The following BAZ1A variants were observed in gnomAD, a reference collection of about 807,000 sequenced individuals.
The protein encoded by BAZ1A is bromodomain adjacent to zinc finger domain protein 1A.
A neutral mutation model predicts 185.2 loss-of-function variants in BAZ1A; 50 were observed. The ratio of observed to expected loss-of-function variants is 0.27; its 90% confidence interval spans 0.22 to 0.34. The LOEUF (loss-of-function observed/expected upper bound fraction) is 0.34, where lower values mean the gene tolerates loss of function less well. Ranked by LOEUF, BAZ1A falls within the 10% of genes least tolerant of loss-of-function variation. The pLI is 1.00. For missense variants in BAZ1A, 1,356 were observed against 1,839.9 expected (o/e 0.74, Z 4.81); for synonymous variants, 571 against 615.6 (o/e 0.93, Z 1.07).
chr14:34,863,162 T>A (rs1452713519), intron 2 of BAZ1A, among the ~76,000 whole-genome samples: 14 of 125,366 alleles, frequency 1.1e-4, no homozygotes, highest in African/African-American at 3.5e-4. Context: ...CTTTTTTTTT[T>A]TTTTTTTTTT....
At chr14:34,776,539 A>G (rs1254839987) in intron 17 of BAZ1A, 24 bp from the exon 18 acceptor site, 1 of 1,527,598 alleles carries the variant, frequency 6.5e-7, no homozygotes, top group East Asian at 2.3e-5. Flanking sequence ...AAAATGTTTC[A>G]TCATCATCAT....
intron 8 of BAZ1A, among the ~76,000 whole-genome samples, chr14:34,800,854 A>G (rs1881491632): frequency 6.6e-6 from 1 of 152,214 alleles, no homozygotes; most frequent in African/African-American, 2.4e-5. Context: ...CTTCTGCTTA[A>G]TCTAGCACTA....
rs1233595224 is a variant in BAZ1A at position 34,780,272 on chromosome 14, C to T, written c.2150G>A (p.Ser717Asn). 4 of 1,613,182 alleles carry T rather than the reference C, an allele frequency of 2.5e-6. No homozygotes were observed. The highest frequency in any genetic ancestry group is 3.4e-6 in the Non-Finnish European group (4 of 1,179,640). ...EREDFDTSIE[S>N]KDTEQKELDQ... ...TAATTCCTTTTGCTCTGTGTCTTTG[C>T]TCTCAATGCTAGTATCAAAATCTTC... Residue 717 changes from serine (S) to asparagine (N), a missense_variant, in exon 17 of 27, where the codon AGC (serine) becomes AAC (asparagine). Around this residue, in one of 7 missense-constraint regions of BAZ1A, gnomAD observed 434 missense variants for 561.7 expected, o/e 0.77. Coordinates refer to ENST00000360310, the MANE Select transcript of BAZ1A (RefSeq NM_013448.3).
chr14:34,793,233 C>A, intron 11 of BAZ1A, among the ~76,000 whole-genome samples: 1 of 152,132 alleles, frequency 6.6e-6, no homozygotes. Flanking sequence ...CAATTTTATT[C>A]TAATCTGAAC....
At chr14:34,793,084 TATA>T (rs1195220867) in intron 11 of BAZ1A, among the ~76,000 whole-genome samples, 163 bp from the exon 12 acceptor site, 5 of 152,200 alleles carry the variant, frequency 3.3e-5, no homozygotes, top group Non-Finnish European at 1.5e-5. Flanking sequence ...AATAAGAATT[TATA>T]ATGATTACAA....
At chr14:34,838,983 C>A (rs1271841663) in intron 3 of BAZ1A, among the ~76,000 whole-genome samples, 1 of 152,118 alleles carries the variant, frequency 6.6e-6, no homozygotes, top group Non-Finnish European at 1.5e-5. Context: ...ATAAATACTA[C>A]ACAAAGCTAC....
intron 12 of BAZ1A, among the ~76,000 whole-genome samples, chr14:34,790,104 T>G (rs910362412): frequency 5.3e-5 from 8 of 152,098 alleles, no homozygotes; most frequent in Admixed American, 4.6e-4. Context: ...AACAGGAAAG[T>G]GAGAAAAGAG....
intron 3 of BAZ1A, among the ~76,000 whole-genome samples, chr14:34,835,498 T>C (rs2042313918): frequency 6.6e-6 from 1 of 151,930 alleles, no homozygotes; most frequent in South Asian, 2.1e-4. Context: ...AAACATTATG[T>C]TGACCCAAGG....
intron 2 of BAZ1A, among the ~76,000 whole-genome samples, chr14:34,871,437 C>T (rs1184025462): frequency 4.6e-5 from 7 of 152,252 alleles, no homozygotes; most frequent in African/African-American, 1.7e-4. Flanking sequence ...ATTGAGTCTT[C>T]TTTACCTATG....
rs975434059 is a variant in BAZ1A, at chr14:34,855,130, G to T, written c.392+6914C>A. 2.0e-5 allele frequency among the ~76,000 whole-genome samples: 3 copies of T among 152,208 alleles called. No homozygotes were observed. In the South Asian group the frequency reaches 6.2e-4, roughly 32 times the overall value. On this transcript the variant is annotated intron_variant, in intron 3 of 26. Transcript: ENST00000360310. ...TACCAAGTGTTAAGTTTAGCCTAAT[G>T]CTGCTTCCTTATATATTTTAAGTTC...
intron 12 of BAZ1A, among the ~76,000 whole-genome samples, chr14:34,791,507 G>A (rs1224092362): frequency 6.6e-6 from 1 of 152,148 alleles, no homozygotes; most frequent in Non-Finnish European, 1.5e-5. Flanking sequence ...ATATATTTTT[G>A]CTTGAACTCA....
intron 23 of BAZ1A, among the ~76,000 whole-genome samples, 176 bp downstream of exon 23, chr14:34,764,531 A>T (rs988720259): frequency 1.3e-5 from 2 of 151,996 alleles, no homozygotes; most frequent in African/African-American, 2.4e-5. Context: ...ACCTCAGGTG[A>T]TCTGCCTGCC....
rs556649082 is a variant in BAZ1A at position 34,863,458 on chromosome 14, C to T, written c.114-1136G>A. On this transcript the variant is annotated intron_variant, in intron 2 of 26. Transcript: ENST00000360310. ...GATTACAGGTGTGAGCCACCGCGCC[C>T]GGCCATGCTCATCTAATTTTTATAT... 2.6e-5 allele frequency among the ~76,000 whole-genome samples: 4 copies of T among 152,078 alleles called. No homozygotes were observed. The South Asian group carries it at 8.3e-4, about 32-fold the overall frequency.
intron 17 of BAZ1A, among the ~76,000 whole-genome samples, chr14:34,778,677 A>G (rs1879827787): frequency 6.6e-6 from 1 of 152,162 alleles, no homozygotes; most frequent in South Asian, 2.1e-4. Context: ...CAAATTCATC[A>G]AAAATTGTGT....
At chr14:34,797,235 G>A (rs1881244867) in intron 9 of BAZ1A, among the ~76,000 whole-genome samples, 1 of 152,082 alleles carries the variant, frequency 6.6e-6, no homozygotes, top group Non-Finnish European at 1.5e-5. Context: ...TAAGGCAGAG[G>A]ATAAAGACTA....
chr14:34,792,878 T>G lies in BAZ1A; in HGVS notation c.1407A>C (p.Pro469=), dbSNP rs779933592. The G allele has an allele frequency of 2.5e-6, 4 of 1,613,814 alleles. No individual in the cohort carries two copies. In the Admixed American group the frequency reaches 6.7e-5, roughly 27 times the overall value. ...GGAAGAAAAAAAGCAATTCACACAG[T>G]GGGCCTTCACTGTCATTTCCTACAA... ...EALVGNDSEG[P]LCELLFFFLT... is the part of the protein sequence containing the mutation. Residue 469 remains proline, a synonymous_variant, in exon 12 of 27, where the codon CCA becomes CCC. Transcript: ENST00000360310.
chr14:34,779,132 G>A (rs1049617854), intron 17 of BAZ1A, among the ~76,000 whole-genome samples: 2 of 152,176 alleles, frequency 1.3e-5, no homozygotes, highest in Non-Finnish European at 2.9e-5. Context: ...TTACAGGCAT[G>A]AGCCACTGCA....
chr14:34,761,711 A>G, intron 24 of BAZ1A, 46 bp downstream of exon 24: 1 of 1,487,886 alleles, frequency 6.7e-7, no homozygotes, highest in Non-Finnish European at 9.2e-7. Flanking sequence ...ATATTTCCAA[A>G]TTATTCAATT....
intron 16 of BAZ1A, among the ~76,000 whole-genome samples, chr14:34,782,798 T>C (rs1289514846): frequency 6.6e-6 from 1 of 152,204 alleles, no homozygotes; most frequent in African/African-American, 2.4e-5. Context: ...AATAAAATAC[T>C]TGGGTATCTC....
Sources: allele counts gnomAD v4.1 joint callset (sites outside exome capture counted in the v4.1 genomes callset), GRCh38; gene constraint gnomAD v4.1.1; regional missense constraint gnomAD v4.1.1; transcripts MANE v1.5; gene names NCBI Gene and HGNC (gene_info 2026-07-23, HGNC 2026-07-21).